Variants in FLNB observed in about 807,000 individuals in gnomAD.
FLNB encodes filamin B.
A neutral mutation model predicts 250.6 loss-of-function variants in FLNB; 111 were observed. The ratio of observed to expected loss-of-function variants is 0.44; its 90% CI spans 0.38 to 0.52. The LOEUF is 0.52. Ranked by LOEUF, FLNB falls within the 20% of genes least tolerant of loss-of-function variation. FLNB has a pLI of 0.00. For missense variants in FLNB, 2,869 were observed against 3,447.8 expected (o/e 0.83, Z 4.20); for synonymous variants, 1,302 against 1,372.1 (o/e 0.95, Z 1.13).
intron 8 of FLNB, 35 bp downstream of exon 8, chr3:58,098,943 A>C (rs761015507): frequency 4.4e-6 from 7 of 1,573,078 alleles, no homozygotes; most frequent in South Asian, 1.1e-5. Flanking sequence ...TGTGCTTCTC[A>C]TAGGGAAGCT....
intron 43 of FLNB, among the ~76,000 whole-genome samples, chr3:58,168,228 C>T (rs2097374224): frequency 6.6e-6 from 1 of 152,196 alleles, no homozygotes; most frequent in Admixed American, 6.5e-5. Context: ...GTCAGCCATG[C>T]TCCTCCTGCC....
intron 41 of FLNB, among the ~76,000 whole-genome samples, chr3:58,158,163 C>G (rs998403156): frequency 6.6e-6 from 1 of 152,106 alleles, no homozygotes; most frequent in Non-Finnish European, 1.5e-5. Flanking sequence ...ATTCTGTGTT[C>G]TGTCCTCCCT....
chr3:58,041,830 G>C (rs376609214), intron 1 of FLNB, among the ~76,000 whole-genome samples: 21 of 152,250 alleles, frequency 1.4e-4, no homozygotes, highest in African/African-American at 4.8e-4. Context: ...AGCTTCCCGA[G>C]CAGCTTGTCT....
At chr3:58,052,344 C>T (rs971916659) in intron 1 of FLNB, among the ~76,000 whole-genome samples, 1 of 152,136 alleles carries the variant, frequency 6.6e-6, no homozygotes, top group African/African-American at 2.4e-5. Flanking sequence ...GGAACTTCTT[C>T]CAACAGGACT....
chr3:58,083,917 G>A lies in FLNB; in HGVS notation c.787+2141G>A, dbSNP rs1351107435. On this transcript the variant is annotated intron_variant, in intron 4 of 45. Coordinates refer to ENST00000295956, the MANE Select transcript of FLNB (RefSeq NM_001457.4). ...TTCTTTAAAAGTGCTTTCTTTGGCC[G>A]GGCTTGGTGGCTCACACCTGTAATC... 2.6e-5 allele frequency among the ~76,000 whole-genome samples: 4 copies of A among 152,108 alleles called. No homozygotes were observed. The East Asian group carries it at 7.8e-4, about 29-fold the overall frequency.
intron 41 of FLNB, among the ~76,000 whole-genome samples, chr3:58,156,977 G>A (rs573077440): frequency 2.3e-4 from 35 of 152,298 alleles, no homozygotes; most frequent in African/African-American, 7.2e-4. Context: ...GATTACAGAC[G>A]TGAGCCACTG....
chr3:58,057,062 C>A (rs1008368187), intron 1 of FLNB, among the ~76,000 whole-genome samples: 1 of 152,212 alleles, frequency 6.6e-6, no homozygotes, highest in Non-Finnish European at 1.5e-5. Context: ...TCACTGCAGC[C>A]TTGACCTCCT....
intron 1 of FLNB, among the ~76,000 whole-genome samples, chr3:58,050,318 A>C (rs2097160416): frequency 6.6e-6 from 1 of 152,132 alleles, no homozygotes; most frequent in African/African-American, 2.4e-5. Context: ...GTGAGCCACC[A>C]TGCCTGGTCT....
In FLNB at chr3:58,123,629, G is replaced by A. The variant is rs1409651611; in HGVS notation, c.3663G>A (p.Lys1221=). 6.2e-7 allele frequency: 1 copy of A among 1,611,916 alleles called. No homozygotes were observed. Among genetic ancestry groups the A allele is most frequent in the Non-Finnish European group, 8.5e-7 (1 of 1,179,924 alleles). ...ELVPHFPARV[K]VEPAVDTSRI... ...TGCCACACTTCCCCGCCCGGGTCAA[G>A]GTGGAGCCCGCCGTGGACACCAGCA... The change falls in exon 21 of 46, where the codon AAG becomes AAA. Residue 1221 remains lysine, a synonymous_variant. Transcript: ENST00000295956.
At chr3:58,063,532 G>GCAGA (rs923613679) in intron 1 of FLNB, among the ~76,000 whole-genome samples, 2 of 152,198 alleles carry the variant, frequency 1.3e-5, no homozygotes, top group African/African-American at 4.8e-5. Context: ...GGTAAAGCAG[G>GCAGA]CAGAGTTCCC....
At chr3:58,096,874 T>G (rs1157077220) in intron 6 of FLNB, among the ~76,000 whole-genome samples, 1 of 152,168 alleles carries the variant, frequency 6.6e-6, no homozygotes, top group Non-Finnish European at 1.5e-5. Context: ...GCTGTCAGCA[T>G]TGAAGGCTGA....
chr3:58,159,719 C>T (rs1559738750), intron 42 of FLNB, 33 bp downstream of exon 42: 15 of 1,606,536 alleles, frequency 9.3e-6, no homozygotes, highest in Non-Finnish European at 1.2e-5. Flanking sequence ...GGTCCCAGCA[C>T]CAGCACTTTC....
At chr3:58,102,109 A>G in intron 8 of FLNB, 94 bp from the exon 9 acceptor site, 2 of 1,468,474 alleles carry the variant, frequency 1.4e-6, no homozygotes, top group Non-Finnish European at 1.9e-6. Context: ...TGCAAAGCAA[A>G]TATTTTCTTG....
intron 32 of FLNB, 120 bp from the exon 33 acceptor site, chr3:58,145,801 A>G (rs2097334882): frequency 8.3e-7 from 1 of 1,209,500 alleles, no homozygotes; most frequent in Non-Finnish European, 1.2e-6. Flanking sequence ...CTGTCTCTTC[A>G]TGCCTCTGCT....
At chr3:58,050,948 C>T (rs1194673442) in intron 1 of FLNB, among the ~76,000 whole-genome samples, 6 of 152,218 alleles carry the variant, frequency 3.9e-5, no homozygotes, top group Non-Finnish European at 8.8e-5. Context: ...TAACTCACTC[C>T]GTGGGTAGCT....
chr3:58,150,173 G>A lies in FLNB; in HGVS notation c.6313G>A (p.Ala2105Thr). 1.2e-6 allele frequency: 2 copies of A among 1,614,242 alleles called. No homozygotes were observed. Among genetic ancestry groups the A allele is most frequent in the Admixed American group, 1.7e-5 (1 of 60,032 alleles). The stretch of plus-strand genomic sequence containing the variant: ...AGAGAGCATCACCCGCACCAGTCGG[G>A]CCCCGTCCGTGGCCACTGTCGGGAG... ...VKESITRTSRAPSVATVGSIC... is the reference protein window; with the variant it reads ...VKESITRTSRTPSVATVGSIC... Residue 2105 changes from alanine to threonine, a missense_variant, in exon 38 of 46, where the codon GCC becomes ACC. Coordinates refer to ENST00000295956, the MANE Select transcript of FLNB (RefSeq NM_001457.4).
At chr3:58,040,661 A>C (rs1334745366) in intron 1 of FLNB, among the ~76,000 whole-genome samples, 3 of 152,044 alleles carry the variant, frequency 2.0e-5, no homozygotes, top group African/African-American at 7.2e-5. Flanking sequence ...TGCCTGGCTA[A>C]GTTTTGTATT....
chr3:58,097,025 G>C (rs1238150829), intron 6 of FLNB, among the ~76,000 whole-genome samples: 1 of 152,154 alleles, frequency 6.6e-6, no homozygotes, highest in Non-Finnish European at 1.5e-5. Context: ...TGACCTATAG[G>C]GCAAGGGCTG....
intron 32 of FLNB, among the ~76,000 whole-genome samples, chr3:58,144,221 A>C (rs1200762534): frequency 1.3e-5 from 2 of 152,262 alleles, no homozygotes; most frequent in African/African-American, 4.8e-5. Context: ...GACTATCATA[A>C]ATTTTTTTAT....
Sources: gnomAD v4.1 joint callset for allele counts (sites outside exome capture counted in the v4.1 genomes callset) on GRCh38, gnomAD v4.1.1 for gene constraint, MANE v1.5 for transcripts, NCBI Gene and HGNC (gene_info 2026-07-23, HGNC 2026-07-21) for gene names.